The following MYT1L variants were observed in gnomAD, a reference collection of about 807,000 sequenced individuals.
MYT1L encodes myelin transcription factor 1 like.
In MYT1L, 12 loss-of-function variants were observed where a neutral mutation model predicts 126.7. The observed-to-expected ratio is 0.09, with a 90% CI of 0.06 to 0.15. The LOEUF (loss-of-function observed/expected upper bound fraction) is 0.15. MYT1L is among the 10% of genes least tolerant of loss of function. The pLI is 1.00. For synonymous variants in MYT1L, 541 were observed against 604.2 expected (o/e 0.90, Z 1.53); for missense variants, 979 against 1,585.2 (o/e 0.62, Z 6.49).
In MYT1L at chr2:2,179,236, C is replaced by A. The variant is rs137967156; in HGVS notation, c.-420-6248G>T. On this transcript the variant is annotated intron_variant, in intron 2 of 24. Transcript: ENST00000647738. ...AATTTTGGAGAACCCAGTGGTTCTG[C>A]ATCTCATTGAATCCAAAGCTTCCCA... Among the ~76,000 whole-genome samples, 3 of 152,308 alleles carry A rather than the reference C, an allele frequency of 2.0e-5. No individual in the cohort carries two copies. In the East Asian group the frequency reaches 5.8e-4, roughly 29 times the overall value.
At chr2:2,330,190 CA>C (rs1225113985) in intron 1 of MYT1L, among the ~76,000 whole-genome samples, 2 of 151,734 alleles carry the variant, frequency 1.3e-5, no homozygotes, top group Non-Finnish European at 2.9e-5. Context: ...AACATTTGAA[CA>C]AAAAGGCTCT....
chr2:2,236,799 CTTCTTCTTCTTCTTCTT>C (rs1559420974), intron 2 of MYT1L, among the ~76,000 whole-genome samples: 1 of 17,634 alleles, frequency 5.7e-5, no homozygotes, highest in Non-Finnish European at 8.6e-5. Flanking sequence ...TCTTCTTCTT[CTTCTTCTTCTTCTTCTT>C]TTTTTTTTTT....
intron 14 of MYT1L, among the ~76,000 whole-genome samples, chr2:1,894,623 A>C (rs2049346248): frequency 6.6e-6 from 1 of 151,974 alleles, no homozygotes; most frequent in Non-Finnish European, 1.5e-5. Context: ...TAAATTAAAA[A>C]AAATAACACT....
chr2:2,255,511 C>T (rs532009710), intron 2 of MYT1L, among the ~76,000 whole-genome samples: 5 of 152,188 alleles, frequency 3.3e-5, no homozygotes, highest in East Asian at 1.9e-4. Flanking sequence ...AATCATTCTA[C>T]GATTTTCACT....
intron 24 of MYT1L, 118 bp from the exon 25 acceptor site, chr2:1,792,125 G>T: frequency 8.5e-7 from 1 of 1,175,258 alleles, no homozygotes; most frequent in Non-Finnish European, 1.2e-6. Flanking sequence ...TTCAAAGGCC[G>T]GCTCAGAGCA....
rs943345776 is a variant in MYT1L at position 1,889,628 on chromosome 2, G to A, written c.2284-151C>T. Among the ~76,000 whole-genome samples, 1 of 152,142 alleles carries A rather than the reference G, an allele frequency of 6.6e-6. No homozygotes were observed. Among genetic ancestry groups the A allele is most frequent in the Non-Finnish European group, 1.5e-5 (1 of 68,020 alleles). On this transcript the variant is annotated intron_variant, in intron 15 of 24. Coordinates refer to ENST00000647738, the MANE Select transcript of MYT1L (RefSeq NM_001303052.2). The surrounding 1 kb of genome is among the most constrained non-coding windows in gnomAD (Gnocchi z 4.1). ...TTTCCTTGGCCTAAACTCCCAAGGCGGACAGGCCTTGTCTGGTGGTACATT... is the reference window on the plus strand; with the variant it reads ...TTTCCTTGGCCTAAACTCCCAAGGCAGACAGGCCTTGTCTGGTGGTACATT...
intron 14 of MYT1L, among the ~76,000 whole-genome samples, chr2:1,898,001 G>T (rs2049845109): frequency 6.6e-6 from 1 of 152,130 alleles, no homozygotes; most frequent in African/African-American, 2.4e-5. Flanking sequence ...CAGGATTTGT[G>T]TGATTAAATA....
At chr2:2,055,188 T>C (rs1024744346) in intron 3 of MYT1L, among the ~76,000 whole-genome samples, 2 of 152,200 alleles carry the variant, frequency 1.3e-5, no homozygotes, top group South Asian at 4.1e-4. Context: ...GTATTAAGAC[T>C]ACAAAATGTG....
At chr2:2,113,090 G>A (rs1047578643) in intron 3 of MYT1L, among the ~76,000 whole-genome samples, 2 of 152,196 alleles carry the variant, frequency 1.3e-5, no homozygotes, top group African/African-American at 4.8e-5. Context: ...CTGTCTCCTG[G>A]CTGGGAGAAG....
intron 14 of MYT1L, among the ~76,000 whole-genome samples, chr2:1,892,915 T>C (rs908736496): frequency 1.3e-5 from 2 of 152,162 alleles, no homozygotes; most frequent in African/African-American, 4.8e-5. Context: ...TCCTTTTTTT[T>C]CTAGAATTCT....
intron 19 of MYT1L, chr2:1,843,034 C>T (rs4077155): frequency 0.38 from 57,860 of 151,948 alleles, 11,718 homozygotes; most frequent in East Asian, 0.66. Context: ...CCGAGGCTCT[C>T]CGCTTCCTCA....
At chr2:1,829,206 T>C (rs1022394759) in intron 21 of MYT1L, among the ~76,000 whole-genome samples, 1 of 152,012 alleles carries the variant, frequency 6.6e-6, no homozygotes, top group Non-Finnish European at 1.5e-5. Flanking sequence ...TCCCCCAACT[T>C]TACCTCCTGA....
chr2:1,837,891 T>C (rs529592619), intron 21 of MYT1L, among the ~76,000 whole-genome samples: 8 of 147,680 alleles, frequency 5.4e-5, no homozygotes, highest in East Asian at 2.0e-4. Flanking sequence ...CTCTCTCTCT[T>C]TTTTTTTTTT....
chr2:1,989,409 C>T (rs1382132305), intron 5 of MYT1L, among the ~76,000 whole-genome samples: 1 of 152,144 alleles, frequency 6.6e-6, no homozygotes, highest in Non-Finnish European at 1.5e-5. Context: ...CCGGCAATCC[C>T]AGGACAGAAG....
intron 3 of MYT1L, among the ~76,000 whole-genome samples, chr2:2,126,998 A>G (rs547781113): frequency 6.6e-6 from 1 of 152,296 alleles, no homozygotes; most frequent in South Asian, 2.1e-4. Context: ...TAGCCTACTC[A>G]ATTCTCTGGG....
intron 3 of MYT1L, among the ~76,000 whole-genome samples, chr2:2,120,341 T>C (rs531407145): frequency 6.6e-6 from 1 of 152,230 alleles, no homozygotes; most frequent in East Asian, 1.9e-4. Flanking sequence ...GGGCCTCTGT[T>C]TTCTCATAAG....
chr2:1,836,781 C>T (rs535052703), intron 21 of MYT1L, among the ~76,000 whole-genome samples: 1 of 149,312 alleles, frequency 6.7e-6, no homozygotes, highest in Non-Finnish European at 1.5e-5. Context: ...CATCAGCCTG[C>T]ACCCCAAGAT....
intron 2 of MYT1L, among the ~76,000 whole-genome samples, chr2:2,218,329 A>T (rs898877269): frequency 3.3e-5 from 5 of 152,232 alleles, no homozygotes; most frequent in African/African-American, 9.6e-5. Context: ...ATCCATCAAC[A>T]GTTGATTGAT....
chr2:1,859,351 A>C (rs1329081142), intron 18 of MYT1L, among the ~76,000 whole-genome samples: 1 of 152,226 alleles, frequency 6.6e-6, no homozygotes, highest in Non-Finnish European at 1.5e-5. Context: ...AATAACAAAA[A>C]ATACATGGGA....
Sources: gnomAD v4.1 joint callset for allele counts (sites outside exome capture counted in the v4.1 genomes callset) on GRCh38, gnomAD v4.1.1 for gene constraint, Gnocchi (gnomAD v3.1) non-coding constraint, MANE v1.5 for transcripts, NCBI Gene and HGNC (gene_info 2026-07-23, HGNC 2026-07-21) for gene names.